The following RXRA variants were observed in gnomAD, a reference collection of about 807,000 sequenced individuals.
RXRA encodes the protein retinoid X receptor alpha.
RXRA carries 5 observed loss-of-function variants against 44.5 expected under a neutral mutation model. That is an observed-to-expected ratio of 0.11 (90% CI 0.06 to 0.24). RXRA has a LOEUF of 0.24. RXRA is among the 10% of genes least tolerant of loss of function. The pLI is 1.00. For synonymous variants in RXRA, 291 were observed against 271.4 expected (o/e 1.07, Z -0.71); for missense variants, 412 against 646.5 (o/e 0.64, Z 3.93).
At chr9:134,374,442 T>C (rs1830528032) in intron 1 of RXRA, among the ~76,000 whole-genome samples, 1 of 152,158 alleles carries the variant, frequency 6.6e-6, no homozygotes, top group Non-Finnish European at 1.5e-5. Flanking sequence ...GCCACCCTCC[T>C]GGTGTGGGCT....
rs1330542336 is a variant in RXRA at position 134,356,908 on chromosome 9, C to T, written c.28+30249C>T. 6.6e-5 allele frequency among the ~76,000 whole-genome samples: 10 copies of T among 152,328 alleles called. 2 individuals are homozygous for T. The highest frequency in any genetic ancestry group is 3.4e-3 in the Middle Eastern group (1 of 294). On this transcript the variant is annotated intron_variant, in intron 1 of 9. Transcript: ENST00000481739. Reference sequence around the variant, plus strand: ...GGTAGAAAGTGTCTCCCGACACCTCCGCACCCTGCCTGTCTCCCAGCCTCA... The same window carrying T: ...GGTAGAAAGTGTCTCCCGACACCTCTGCACCCTGCCTGTCTCCCAGCCTCA...
chr9:134,396,691 C>T (rs1830884546), intron 1 of RXRA, among the ~76,000 whole-genome samples: 1 of 152,136 alleles, frequency 6.6e-6, no homozygotes, highest in Admixed American at 6.5e-5. Flanking sequence ...TCCTGGATTC[C>T]CCACCGTGGA....
At chr9:134,339,253 C>T (rs914737713) in intron 1 of RXRA, among the ~76,000 whole-genome samples, 1 of 152,272 alleles carries the variant, frequency 6.6e-6, no homozygotes, top group African/African-American at 2.4e-5. Context: ...CCGCGCTGTT[C>T]CTCCCTCCCT....
chr9:134,330,956 T>C (rs1224656781), intron 1 of RXRA, among the ~76,000 whole-genome samples: 2 of 152,318 alleles, frequency 1.3e-5, no homozygotes, highest in East Asian at 1.9e-4. Context: ...TCTCTGTGCC[T>C]CCTGCCTGGG....
chr9:134,328,541 G>A (rs1176688549), intron 1 of RXRA, among the ~76,000 whole-genome samples: 2 of 152,220 alleles, frequency 1.3e-5, no homozygotes, highest in African/African-American at 4.8e-5. Flanking sequence ...CTCCCAGGCA[G>A]CCCACGCCCC....
chr9:134,335,743 C>T (rs10881577), intron 1 of RXRA, among the ~76,000 whole-genome samples: 58,415 of 152,102 alleles, frequency 0.38, 12,686 homozygotes, highest in African/African-American at 0.59. Flanking sequence ...TGACTCCTAC[C>T]GGCGCCCATG....
chr9:134,363,265 G>A (rs531800712), intron 1 of RXRA, among the ~76,000 whole-genome samples: 2 of 152,318 alleles, frequency 1.3e-5, no homozygotes, highest in Admixed American at 6.5e-5. Context: ...TCGTTGCTCT[G>A]TCCTCTCCCA....
chr9:134,414,809 C>T (rs181773770), intron 4 of RXRA, among the ~76,000 whole-genome samples: 9 of 152,318 alleles, frequency 5.9e-5, no homozygotes, highest in African/African-American at 1.7e-4. Flanking sequence ...CTGAGATCTG[C>T]GTGTGCGGGG....
intron 5 of RXRA, among the ~76,000 whole-genome samples, chr9:134,420,145 C>T (rs1324284227): frequency 1.3e-5 from 2 of 152,220 alleles, no homozygotes; most frequent in African/African-American, 2.4e-5. Context: ...GCTGCAGACA[C>T]GGTGCTCGGG....
intron 1 of RXRA, among the ~76,000 whole-genome samples, chr9:134,332,315 C>CAGGGT (rs1366581604): frequency 3.3e-5 from 5 of 152,154 alleles, no homozygotes; most frequent in African/African-American, 9.7e-5. Flanking sequence ...CAGGGCAGGG[C>CAGGGT]AGGGTAGGGG....
chr9:134,369,289 G>T (rs1459177462), intron 1 of RXRA, among the ~76,000 whole-genome samples: 2 of 41,710 alleles, frequency 4.8e-5, no homozygotes, highest in African/African-American at 8.9e-5. Flanking sequence ...TGTGTGTGTG[G>T]GGGTTATGTG....
chr9:134,370,821 G>A (rs992990506), intron 1 of RXRA, among the ~76,000 whole-genome samples: 5 of 152,238 alleles, frequency 3.3e-5, no homozygotes, highest in Non-Finnish European at 7.3e-5. Context: ...AGGTGGTGTG[G>A]ACATGATGAG....
intron 1 of RXRA, among the ~76,000 whole-genome samples, chr9:134,369,065 T>G (rs911130557): frequency 3.1e-5 from 1 of 32,696 alleles, no homozygotes; most frequent in Non-Finnish European, 5.4e-5. Flanking sequence ...GGGTTATGTG[T>G]GGGGGGAGTT....
At chr9:134,331,394 C>T (rs10881576) in intron 1 of RXRA, among the ~76,000 whole-genome samples, 46,977 of 152,102 alleles carry the variant, frequency 0.31, 7,464 homozygotes, top group African/African-American at 0.36. Flanking sequence ...AGAGCGGGTG[C>T]GGACCGCGTG....
At chr9:134,422,793 A>C in intron 6 of RXRA, 12 of 985,282 alleles carry the variant, frequency 1.2e-5, no homozygotes, top group Non-Finnish European at 1.3e-5. Flanking sequence ...GGGGTCTCTC[A>C]GTGGCCTTCA....
chr9:134,356,586 C>T (rs1414751500), intron 1 of RXRA, among the ~76,000 whole-genome samples: 1 of 152,214 alleles, frequency 6.6e-6, no homozygotes, highest in Non-Finnish European at 1.5e-5. Flanking sequence ...CCGTGCCTTG[C>T]CCAGAAGTGT....
intron 1 of RXRA, among the ~76,000 whole-genome samples, chr9:134,334,443 C>T (rs565285383): frequency 6.6e-6 from 1 of 152,262 alleles, no homozygotes; most frequent in African/African-American, 2.4e-5. Context: ...TGCAGAGGGC[C>T]ACCAAGGTGA....
chr9:134,364,393 A>T (rs1830389204), intron 1 of RXRA, among the ~76,000 whole-genome samples: 1 of 152,210 alleles, frequency 6.6e-6, no homozygotes, highest in South Asian at 2.1e-4. Flanking sequence ...TGACCCTCAG[A>T]TGCCGACTCC....
intron 1 of RXRA, among the ~76,000 whole-genome samples, chr9:134,398,533 G>A (rs1188066813): frequency 1.3e-5 from 2 of 152,160 alleles, no homozygotes; most frequent in Admixed American, 6.5e-5. Flanking sequence ...TGCTATGGAC[G>A]GAGTCTGTGT....
Sources: allele counts gnomAD v4.1 joint callset (sites outside exome capture counted in the v4.1 genomes callset), GRCh38; gene constraint gnomAD v4.1.1; transcripts MANE v1.5; gene names NCBI Gene and HGNC (gene_info 2026-07-23, HGNC 2026-07-21).